DNM2: variants seen among roughly 807,000 people sequenced by gnomAD.
The protein encoded by DNM2 is dynamin 2.
DNM2 carries 15 observed loss-of-function variants against 99.0 expected under a neutral mutation model. The observed-to-expected ratio is 0.15, with a 90% confidence interval of 0.10 to 0.23. The LOEUF is 0.23. DNM2 is among the 10% of genes least tolerant of loss of function. The pLI is 1.00. For synonymous variants in DNM2, 525 were observed against 481.2 expected (o/e 1.09, Z -1.19); for missense variants, 742 against 1,189.4 (o/e 0.62, Z 5.53).
intron 1 of DNM2, among the ~76,000 whole-genome samples, chr19:10,758,334 CTT>C (rs1568282798): frequency 7.0e-6 from 1 of 143,146 alleles, no homozygotes; most frequent in Non-Finnish European, 1.5e-5. Context: ...TCCCTCCTTC[CTT>C]CCCTCCTTCC....
In DNM2 at chr19:10,796,091, C is replaced by T. The variant is rs377319162; in HGVS notation, c.1196+652C>T. 1.8e-5 allele frequency: 29 copies of T among 1,613,978 alleles called. No homozygotes were observed. In the African/African-American group the frequency reaches 2.4e-4, roughly 13 times the overall value. ...GGCTTTTCACCCCGGACTTGGCATTCGAGGCCATTGTGAAAAAGCAGGTCG... is the reference window on the plus strand; with the variant it reads ...GGCTTTTCACCCCGGACTTGGCATTTGAGGCCATTGTGAAAAAGCAGGTCG... On this transcript the variant is annotated intron_variant, in intron 9 of 20. Coordinates refer to ENST00000389253, the MANE Select transcript of DNM2 (RefSeq NM_001005361.3). This position sits in a 1 kb window ranked among gnomAD's most constrained non-coding sequence, Gnocchi z 5.6.
chr19:10,810,768 A>G (rs2146103824), intron 14 of DNM2: 1 of 152,454 alleles, frequency 6.6e-6, no homozygotes, highest in Admixed American at 6.5e-5. Flanking sequence ...TCATTCAGTC[A>G]TGGAACCAGG....
intron 1 of DNM2, among the ~76,000 whole-genome samples, chr19:10,756,047 C>G (rs2070371215): frequency 6.6e-6 from 1 of 152,078 alleles, no homozygotes; most frequent in Non-Finnish European, 1.5e-5. Flanking sequence ...GCCTGGGGCT[C>G]TGGTAGGGCC....
At chr19:10,743,534 G>T (rs2069837386) in intron 1 of DNM2, among the ~76,000 whole-genome samples, 1 of 151,852 alleles carries the variant, frequency 6.6e-6, no homozygotes, top group Non-Finnish European at 1.5e-5. Context: ...GGTGTGGCTG[G>T]GTGTGGTGGC....
intron 2 of DNM2, among the ~76,000 whole-genome samples, chr19:10,760,241 C>T (rs2070574042): frequency 6.6e-6 from 1 of 151,396 alleles, no homozygotes; most frequent in African/African-American, 2.4e-5. Flanking sequence ...GGGTTTCACC[C>T]TGTTGGCCAG....
In DNM2 at chr19:10,783,025, C is replaced by T; in HGVS notation, c.754C>T (p.Leu252=). 1.2e-6 allele frequency: 2 copies of T among 1,614,128 alleles called. No homozygotes were observed. Among genetic ancestry groups the T allele is most frequent in the South Asian group, 1.1e-5 (1 of 91,088 alleles). ...IEGKKDIRAA[L]AAERKFFLSH... ...GGGCAAGAAGGACATCCGTGCAGCA[C>T]TGGCAGCTGAGAGGAAGTTCTTCCT... The change falls in exon 6 of 21, where the codon CTG becomes TTG. Residue 252 remains leucine (L), a synonymous_variant. Coordinates refer to ENST00000389253, the MANE Select transcript of DNM2 (RefSeq NM_001005361.3).
chr19:10,729,764 C>A (rs945641329), intron 1 of DNM2, among the ~76,000 whole-genome samples: 4 of 152,312 alleles, frequency 2.6e-5, no homozygotes, highest in African/African-American at 9.6e-5. Flanking sequence ...CCTGGGAGCA[C>A]CACTGTCACT....
intron 7 of DNM2, among the ~76,000 whole-genome samples, chr19:10,789,266 G>A (rs77357022): frequency 0.063 from 9,592 of 152,228 alleles, 318 homozygotes; most frequent in South Asian, 0.097. Flanking sequence ...TGAAGGAAGT[G>A]TTGTTGTGGA....
chr19:10,820,007 C>A lies in DNM2; in HGVS notation c.1699C>A (p.Leu567Met), dbSNP rs1477679266. 1 of 1,614,076 alleles carries A rather than the reference C, an allele frequency of 6.2e-7. No individual in the cohort carries two copies. The highest frequency in any genetic ancestry group is 2.2e-5 in the East Asian group (1 of 44,888). Residue 567 changes from leucine to methionine, a missense_variant, in exon 16 of 21, where the codon CTG (leucine) becomes ATG (methionine). By Grantham distance (15) the Leu-to-Met change is conservative (BLOSUM62 2). This residue lies in a region of DNM2 where 240 missense variants were observed against 431.3 expected (regional missense o/e 0.56). Coordinates refer to ENST00000389253, the MANE Select transcript of DNM2 (RefSeq NM_001005361.3). The surrounding 1 kb of genome is among the most constrained non-coding windows in gnomAD (Gnocchi z 4.3). Reference sequence around the variant, plus strand: ...GAAAGAGAAGAAGTACATGCTGCCTCTGGACAACCTCAAGATCCGTGATGT... The same window carrying A: ...GAAAGAGAAGAAGTACATGCTGCCTATGGACAACCTCAAGATCCGTGATGT... ...EEKEKKYMLPLDNLKIRDVEK... is the reference protein window; with the variant it reads ...EEKEKKYMLPMDNLKIRDVEK...
chr19:10,729,184 AAAAAAAT>A (rs2069218488), intron 1 of DNM2, among the ~76,000 whole-genome samples: 1 of 123,108 alleles, frequency 8.1e-6, no homozygotes, highest in Non-Finnish European at 1.8e-5. Context: ...AAAAAAAAAA[AAAAAAAT>A]ATAAAAAATT....
At position 10,816,738 on chromosome 19, in the gene DNM2, C is replaced by T. The variant is rs1386879024; in HGVS notation, c.1672-3242C>T. Among the ~76,000 whole-genome samples the T allele has an allele frequency of 6.6e-6, 1 of 152,222 alleles. No individual in the cohort carries two copies. Among genetic ancestry groups the T allele is most frequent in the African/African-American group, 2.4e-5 (1 of 41,458 alleles). On this transcript the variant is annotated intron_variant, in intron 15 of 20. Transcript: ENST00000389253. The surrounding 1 kb of genome is among the most constrained non-coding windows in gnomAD (Gnocchi z 4.6). The stretch of plus-strand genomic sequence containing the variant: ...GGTCCCCTGGGTGGGAATGCCAGGC[C>T]TGGGGCAGCGAGCCTTGGAGGAGCC...
intron 1 of DNM2, among the ~76,000 whole-genome samples, chr19:10,751,709 C>T (rs1453360301): frequency 6.6e-6 from 1 of 152,278 alleles, no homozygotes; most frequent in Non-Finnish European, 1.5e-5. Flanking sequence ...CTCAGCCTGG[C>T]ATGCGAGGCC....
rs553996315 is a variant in DNM2 at position 10,722,570 on chromosome 19, T to C, written c.161+4167T>C. 5.9e-5 allele frequency among the ~76,000 whole-genome samples: 9 copies of C among 151,436 alleles called. No homozygotes were observed. In the East Asian group the frequency reaches 1.4e-3, roughly 23 times the overall value. On this transcript the variant is annotated intron_variant, in intron 1 of 20. Coordinates refer to ENST00000389253, the MANE Select transcript of DNM2 (RefSeq NM_001005361.3). ...ATGTTAGCCAGGATGGTCTCAATCT[T>C]CTGACCTTGTGATCCGTCCACCTCG...
chr19:10,724,694 T>C (rs376491761), intron 1 of DNM2, among the ~76,000 whole-genome samples: 1 of 152,282 alleles, frequency 6.6e-6, no homozygotes, highest in East Asian at 1.9e-4. Flanking sequence ...GCAGGGAGGC[T>C]GTCTGAGCAG....
rs921010197 is a variant in DNM2, at chr19:10,808,657, C to G, written c.1557+77C>G. 4.1e-5 allele frequency: 62 copies of G among 1,509,132 alleles called. No individual in the cohort carries two copies. The African/African-American group carries it at 7.4e-4, about 18-fold the overall frequency. The allele number at this position is 1,509,132 out of a possible 1,614,324, so 93.5% of individuals were successfully genotyped here. Reference sequence around the variant, plus strand: ...GAGACCCCGCCCACCCCTAATATTCCCTGTTCCCCATCCCCTCCAAATAAC... The same window carrying G: ...GAGACCCCGCCCACCCCTAATATTCGCTGTTCCCCATCCCCTCCAAATAAC... On this transcript the variant is annotated intron_variant, in intron 14 of 20. Transcript: ENST00000389253.
intron 18 of DNM2, among the ~76,000 whole-genome samples, chr19:10,827,347 A>G (rs1386038156): frequency 6.6e-6 from 1 of 152,156 alleles, no homozygotes; most frequent in African/African-American, 2.4e-5. Flanking sequence ...ATTGTTTTCC[A>G]TGATGTTTTA....
chr19:10,808,445 C>A, intron 13 of DNM2, 124 bp from the exon 14 acceptor site: 2 of 1,030,376 alleles, frequency 1.9e-6, no homozygotes, highest in Non-Finnish European at 2.8e-6. Context: ...TTCCCCTGCT[C>A]TTCTCTTCTC....
At chr19:10,822,715 T>A (rs189592052) in intron 16 of DNM2, among the ~76,000 whole-genome samples, 1 of 151,940 alleles carries the variant, frequency 6.6e-6, no homozygotes, top group Admixed American at 6.5e-5. Flanking sequence ...GCCAGGCTGG[T>A]CTCAAACTCC....
intron 1 of DNM2, 89 bp from the exon 2 acceptor site, chr19:10,759,649 A>G: frequency 6.5e-7 from 1 of 1,549,074 alleles, no homozygotes; most frequent in Non-Finnish European, 8.9e-7. Context: ...CCAAATTGCA[A>G]GACAGAGTTG....
Sources: allele counts gnomAD v4.1 joint callset (sites outside exome capture counted in the v4.1 genomes callset), GRCh38; gene constraint gnomAD v4.1.1; regional missense constraint gnomAD v4.1.1; non-coding constraint Gnocchi (gnomAD v3.1); transcripts MANE v1.5; gene names NCBI Gene and HGNC (gene_info 2026-07-23, HGNC 2026-07-21).